The following PEBP4 variants were observed in gnomAD, a reference collection of about 807,000 sequenced individuals.
The protein encoded by PEBP4 is phosphatidylethanolamine-binding protein 4.
Under a neutral mutation model 23.9 loss-of-function variants are expected in PEBP4, and 22 were observed. The ratio of observed to expected loss-of-function variants is 0.92; its 90% CI spans 0.66 to 1.31. The LOEUF is 1.31. Ranked by LOEUF, PEBP4 falls within the 40% of genes most tolerant of loss-of-function variation. The pLI is 0.00. For synonymous variants in PEBP4, 112 were observed against 99.3 expected (o/e 1.13, Z -0.76); for missense variants, 324 against 281.7 (o/e 1.15, Z -1.07).
At chr8:22,832,827 A>G (rs1353683436) in intron 3 of PEBP4, among the ~76,000 whole-genome samples, 2 of 152,126 alleles carry the variant, frequency 1.3e-5, no homozygotes, top group Non-Finnish European at 2.9e-5. Context: ...TCCTAGAGAT[A>G]GCAAACACCC....
intron 3 of PEBP4, among the ~76,000 whole-genome samples, chr8:22,889,247 A>G (rs753228594): frequency 6.6e-6 from 1 of 152,210 alleles, no homozygotes; most frequent in Non-Finnish European, 1.5e-5. Context: ...AGCTCGGGAG[A>G]GAAGCACCCA....
intron 1 of PEBP4, among the ~76,000 whole-genome samples, chr8:22,932,937 G>A (rs907955305): frequency 1.1e-4 from 16 of 150,536 alleles, no homozygotes; most frequent in Admixed American, 2.0e-4. Context: ...CCCAGGAGGC[G>A]GAGATTGCAG....
At chr8:22,717,447 TC>T (rs1804437743) in intron 6 of PEBP4, among the ~76,000 whole-genome samples, 1 of 57,750 alleles carries the variant, frequency 1.7e-5, no homozygotes. Context: ...AGTATTTCCG[TC>T]CTGATGTATT....
At chr8:22,807,156 A>C (rs1291264726) in intron 4 of PEBP4, among the ~76,000 whole-genome samples, 1 of 152,092 alleles carries the variant, frequency 6.6e-6, no homozygotes, top group African/African-American at 2.4e-5. Flanking sequence ...TGGAGGTGTA[A>C]TTCATTTAGC....
At chr8:22,780,136 G>GT (rs1405032009) in intron 4 of PEBP4, among the ~76,000 whole-genome samples, 46 of 152,114 alleles carry the variant, frequency 3.0e-4, no homozygotes, top group African/African-American at 9.9e-4. Context: ...GCTAATTTTT[G>GT]TATTTTTTTG....
intron 3 of PEBP4, among the ~76,000 whole-genome samples, chr8:22,835,845 A>G (rs1005420590): frequency 2.0e-5 from 3 of 152,236 alleles, no homozygotes; most frequent in African/African-American, 7.2e-5. Context: ...AGCATTTATC[A>G]CGGCTTTCAA....
intron 3 of PEBP4, among the ~76,000 whole-genome samples, chr8:22,908,418 A>G (rs1342473129): frequency 1.3e-5 from 2 of 151,918 alleles, no homozygotes; most frequent in African/African-American, 4.8e-5. Flanking sequence ...GTCTAGGAAG[A>G]GGCAGTGACC....
intron 4 of PEBP4, among the ~76,000 whole-genome samples, chr8:22,763,414 C>T (rs532072250): frequency 3.7e-4 from 57 of 152,338 alleles, no homozygotes; most frequent in African/African-American, 8.7e-4. Flanking sequence ...TCCCCGACAG[C>T]GGTCAGATCA....
At chr8:22,857,291 G>A (rs1001291820) in intron 3 of PEBP4, among the ~76,000 whole-genome samples, 9 of 149,082 alleles carry the variant, frequency 6.0e-5, no homozygotes, top group African/African-American at 2.0e-4. Flanking sequence ...CACACATTTT[G>A]GTTTAATATC....
chr8:22,817,172 C>T (rs531754025), intron 4 of PEBP4, among the ~76,000 whole-genome samples: 1 of 152,164 alleles, frequency 6.6e-6, no homozygotes, highest in Non-Finnish European at 1.5e-5. Flanking sequence ...TCTCTCATGC[C>T]CCATGCCCCA....
chr8:22,889,445 C>G (rs757630440), intron 3 of PEBP4, among the ~76,000 whole-genome samples: 1 of 152,170 alleles, frequency 6.6e-6, no homozygotes, highest in Non-Finnish European at 1.5e-5. Flanking sequence ...CTCCTTTCTG[C>G]TCTAAGGCTC....
In PEBP4 at chr8:22,889,179, T is replaced by A. The variant is rs575505954; in HGVS notation, c.258+31005A>T. Among the ~76,000 whole-genome samples, 28 of 152,196 alleles carry A rather than the reference T, an allele frequency of 1.8e-4. No homozygotes were observed. The South Asian group carries it at 5.8e-3, about 32-fold the overall frequency. On this transcript the variant is annotated intron_variant, in intron 3 of 6. Coordinates refer to ENST00000256404, the MANE Select transcript of PEBP4 (RefSeq NM_144962.3). ...TGGGTTTGACTTCTGAGAGCCTGAG[T>A]TTGCACAGCTACAAAATGGGGATAA...
intron 3 of PEBP4, among the ~76,000 whole-genome samples, chr8:22,917,449 G>A (rs971825972): frequency 5.3e-5 from 8 of 152,222 alleles, no homozygotes; most frequent in Admixed American, 5.2e-4. Flanking sequence ...ACCAGGGAAA[G>A]CTTCCCTTCG....
At chr8:22,928,448 A>C (rs757285267), upstream of PEBP4, among the ~76,000 whole-genome samples, 1 of 150,916 alleles carries the variant, frequency 6.6e-6, no homozygotes, top group Non-Finnish European at 1.5e-5. Context: ...AAATAATCGT[A>C]TCTGGAGAAG....
chr8:22,798,864 T>G (rs575338004), intron 4 of PEBP4, among the ~76,000 whole-genome samples: 1 of 150,032 alleles, frequency 6.7e-6, no homozygotes, highest in African/African-American at 2.4e-5. Flanking sequence ...CAGCCTTCCA[T>G]GTAGCTGAGA....
rs764599864 is a variant in PEBP4 at position 22,775,666 on chromosome 8, C to G, written c.357+41971G>C. The stretch of plus-strand genomic sequence containing the variant: ...GAGGGGGACGGAGGCAGCGTCTCTG[C>G]GGCATACCAGCAAACCAGAAATTAG... On this transcript the variant is annotated intron_variant, in intron 4 of 6. Transcript: ENST00000256404. This position sits in a 1 kb window ranked among gnomAD's most constrained non-coding sequence, Gnocchi z 4.8. Among the ~76,000 whole-genome samples, 45 of 152,140 alleles carry G rather than the reference C, an allele frequency of 3.0e-4. No individual in the cohort carries two copies. The highest frequency in any genetic ancestry group is 5.7e-4 in the Non-Finnish European group (39 of 68,020).
chr8:22,756,106 C>A, intron 4 of PEBP4: 1 of 152,236 alleles, frequency 6.6e-6, no homozygotes, highest in East Asian at 1.9e-4. Flanking sequence ...AGCTGAGACC[C>A]ATATTTAACT....
intron 3 of PEBP4, among the ~76,000 whole-genome samples, chr8:22,868,022 G>A (rs1411228073): frequency 3.9e-5 from 6 of 152,188 alleles, no homozygotes; most frequent in African/African-American, 1.4e-4. Flanking sequence ...CAGCCCGGCT[G>A]GCAGGGGTCC....
At chr8:22,874,712 G>A (rs1808084834) in intron 3 of PEBP4, among the ~76,000 whole-genome samples, 1 of 152,154 alleles carries the variant, frequency 6.6e-6, no homozygotes, top group Non-Finnish European at 1.5e-5. Flanking sequence ...GCTTTCTTAT[G>A]TATAACAGCT....
Sources: allele counts gnomAD v4.1 joint callset (sites outside exome capture counted in the v4.1 genomes callset), GRCh38; gene constraint gnomAD v4.1.1; non-coding constraint Gnocchi (gnomAD v3.1); transcripts MANE v1.5; gene names NCBI Gene and HGNC (gene_info 2026-07-23, HGNC 2026-07-21).